The following MALRD1 variants were observed in gnomAD, a reference collection of about 807,000 sequenced individuals.
MALRD1 encodes MAM and LDL receptor class A domain containing 1.
Under a neutral mutation model 242.1 loss-of-function variants are expected in MALRD1, and 247 were observed. The observed-to-expected ratio is 1.02, with a 90% CI of 0.92 to 1.13. MALRD1 has a LOEUF of 1.13. MALRD1 is among the 50% of genes most tolerant of loss of function. MALRD1 has a pLI of 0.00. For synonymous variants in MALRD1, 995 were observed against 866.6 expected, an observed-to-expected ratio of 1.15 and a Z score of -2.60; for missense variants, 2,989 against 2,533.1, an observed-to-expected ratio of 1.18 and a Z score of -3.86.
At chr10:19,216,349 C>A (rs1443754553) in intron 18 of MALRD1, among the ~76,000 whole-genome samples, 1 of 151,860 alleles carries the variant, frequency 6.6e-6, no homozygotes, top group East Asian at 1.9e-4. Context: ...AACTCCTGAC[C>A]TTGTGATCTG....
chr10:19,714,932 C>T (rs1187247476), intron 38 of MALRD1, among the ~76,000 whole-genome samples: 2 of 152,126 alleles, frequency 1.3e-5, no homozygotes, highest in Non-Finnish European at 2.9e-5. Context: ...CTTGGGAAAT[C>T]CAACTACATG....
chr10:19,678,683 A>G (rs549126081), intron 36 of MALRD1, among the ~76,000 whole-genome samples: 14 of 152,132 alleles, frequency 9.2e-5, no homozygotes, highest in Non-Finnish European at 1.3e-4. Context: ...TTCCAATTCT[A>G]TGTTGAATAG....
chr10:19,273,201 A>G (rs1395409897), intron 19 of MALRD1, among the ~76,000 whole-genome samples: 1 of 152,204 alleles, frequency 6.6e-6, no homozygotes, highest in Non-Finnish European at 1.5e-5. Flanking sequence ...AATAATTTTC[A>G]TAATTTCCAT....
chr10:19,621,887 G>A (rs1839418380), intron 36 of MALRD1, among the ~76,000 whole-genome samples: 1 of 151,678 alleles, frequency 6.6e-6, no homozygotes, highest in Non-Finnish European at 1.5e-5. Context: ...TTAGACTTCT[G>A]AAAACAAAGA....
chr10:19,392,914 CTG>C (rs1389279231), intron 28 of MALRD1, among the ~76,000 whole-genome samples: 26 of 152,132 alleles, frequency 1.7e-4, no homozygotes, highest in Non-Finnish European at 1.8e-4. Context: ...AAGCCAAACA[CTG>C]TGTGCATGAG....
At chr10:19,104,948 A>G (rs758383353) in intron 5 of MALRD1, among the ~76,000 whole-genome samples, 1 of 152,108 alleles carries the variant, frequency 6.6e-6, no homozygotes, top group East Asian at 1.9e-4. Context: ...TGTTAAATAC[A>G]TGTATCCATT....
chr10:19,616,025 G>A (rs1839140920), intron 36 of MALRD1, 102 bp downstream of exon 36: 4 of 833,840 alleles, frequency 4.8e-6, no homozygotes, highest in Middle Eastern at 2.8e-4. Flanking sequence ...TTTGTGGTTA[G>A]TAAGGTAAAA....
chr10:19,668,633 T>C (rs910367057), intron 36 of MALRD1, among the ~76,000 whole-genome samples: 7 of 152,046 alleles, frequency 4.6e-5, no homozygotes, highest in African/African-American at 1.5e-4. Flanking sequence ...ATTTAATATG[T>C]GCAGAGTTAG....
chr10:19,447,863 G>A (rs1354083536), intron 28 of MALRD1, among the ~76,000 whole-genome samples: 3 of 152,100 alleles, frequency 2.0e-5, no homozygotes, highest in Non-Finnish European at 2.9e-5. Context: ...AAAAAGATAC[G>A]AAATTCCATT....
chr10:19,379,902 C>G (rs75541642), intron 26 of MALRD1, among the ~76,000 whole-genome samples: 1,801 of 151,802 alleles, frequency 0.012, 20 homozygotes, highest in South Asian at 0.018. Context: ...TTGGTTATTT[C>G]TCCTTTTGAT....
At chr10:19,683,107 C>T (rs1380829273) in intron 36 of MALRD1, among the ~76,000 whole-genome samples, 3 of 147,750 alleles carry the variant, frequency 2.0e-5, no homozygotes, top group Middle Eastern at 3.4e-3. Context: ...CCAGCCTGGC[C>T]AATATGGGGA....
intron 19 of MALRD1, among the ~76,000 whole-genome samples, chr10:19,268,748 T>C (rs1298732624): frequency 1.3e-5 from 2 of 152,150 alleles, no homozygotes; most frequent in African/African-American, 2.4e-5. Flanking sequence ...GGAATGGCTG[T>C]AGGGAGGGAA....
intron 39 of MALRD1, 72 bp downstream of exon 39, chr10:19,730,853 C>T: frequency 7.7e-7 from 1 of 1,297,006 alleles, no homozygotes; most frequent in Non-Finnish European, 1.1e-6. Context: ...CACACACAGG[C>T]TGAACCAGTG....
intron 28 of MALRD1, among the ~76,000 whole-genome samples, chr10:19,429,916 A>C (rs1019977962): frequency 5.3e-5 from 8 of 151,902 alleles, no homozygotes; most frequent in African/African-American, 1.7e-4. Context: ...GACTCATCCC[A>C]CAAATCCTTG....
intron 21 of MALRD1, among the ~76,000 whole-genome samples, chr10:19,301,169 C>A (rs1374573999): frequency 4.6e-5 from 7 of 151,902 alleles, no homozygotes; most frequent in Admixed American, 3.3e-4. Flanking sequence ...GATACCATCT[C>A]AAACCTGTCA....
chr10:19,355,152 A>G (rs1387116115), intron 26 of MALRD1, among the ~76,000 whole-genome samples: 1 of 152,076 alleles, frequency 6.6e-6, no homozygotes, highest in Non-Finnish European at 1.5e-5. Flanking sequence ...GCTGAATGGC[A>G]TAAGAAAGAA....
chr10:19,511,832 G>T (rs1019252901), intron 31 of MALRD1, among the ~76,000 whole-genome samples: 1 of 152,004 alleles, frequency 6.6e-6, no homozygotes, highest in African/African-American at 2.4e-5. Context: ...TTTGTAAACA[G>T]AAAAGAAACA....
intron 29 of MALRD1, among the ~76,000 whole-genome samples, chr10:19,478,488 G>T (rs1448398766): frequency 6.6e-6 from 1 of 151,988 alleles, no homozygotes; most frequent in Non-Finnish European, 1.5e-5. Context: ...CATCAATCAT[G>T]GTTTCTTCAA....
intron 36 of MALRD1, among the ~76,000 whole-genome samples, chr10:19,687,964 TTA>T (rs762843620): frequency 6.7e-6 from 1 of 148,630 alleles, no homozygotes; most frequent in Non-Finnish European, 1.5e-5. Flanking sequence ...TTATGTTATG[TTA>T]TGTTATGTTA....
Sources: allele counts gnomAD v4.1 joint callset (sites outside exome capture counted in the v4.1 genomes callset), GRCh38; gene constraint gnomAD v4.1.1; transcripts MANE v1.5; gene names NCBI Gene and HGNC (gene_info 2026-07-23, HGNC 2026-07-21).